MACROD2: variants seen among roughly 807,000 people sequenced by gnomAD.
The protein encoded by MACROD2 is mono-ADP ribosylhydrolase 2.
MACROD2 carries 36 observed loss-of-function variants against 70.4 expected under a neutral mutation model. The ratio of observed to expected loss-of-function variants is 0.51; its 90% CI spans 0.39 to 0.68. The LOEUF is 0.68. Ranked by LOEUF, MACROD2 falls within the 30% of genes least tolerant of loss-of-function variation. MACROD2 has a pLI of 0.00. For missense variants in MACROD2, 496 were observed against 538.4 expected (o/e 0.92, Z 0.78); for synonymous variants, 172 against 178.8 (o/e 0.96, Z 0.30).
At chr20:14,325,563 G>C in intron 3 of MACROD2, 1 of 1,609,084 alleles carries the variant, frequency 6.2e-7, no homozygotes, top group Non-Finnish European at 8.5e-7. Flanking sequence ...AGCATCATGA[G>C]TGTGAGTGAT....
At chr20:14,910,822 C>T (rs989433115) in intron 5 of MACROD2, among the ~76,000 whole-genome samples, 2 of 152,062 alleles carry the variant, frequency 1.3e-5, no homozygotes, top group Non-Finnish European at 2.9e-5. Flanking sequence ...TTTAGAATGC[C>T]TTGTGATGGT....
chr20:15,985,593 T>A (rs1168140239), intron 13 of MACROD2, among the ~76,000 whole-genome samples: 1 of 152,190 alleles, frequency 6.6e-6, no homozygotes, highest in Non-Finnish European at 1.5e-5. Flanking sequence ...TATGCGCTGC[T>A]CTGGCAAGGC....
At chr20:16,046,842 G>A (rs1568734764) in intron 17 of MACROD2, among the ~76,000 whole-genome samples, 1 of 151,654 alleles carries the variant, frequency 6.6e-6, no homozygotes, top group African/African-American at 2.4e-5. Flanking sequence ...CACCACAACT[G>A]GCTAATTTTT....
chr20:15,613,158 G>T (rs943783015), intron 8 of MACROD2, among the ~76,000 whole-genome samples: 1 of 152,208 alleles, frequency 6.6e-6, no homozygotes, highest in African/African-American at 2.4e-5. Context: ...TATTAAAATG[G>T]CAGACACAGT....
intron 5 of MACROD2, among the ~76,000 whole-genome samples, chr20:14,806,791 GT>G (rs2072644437): frequency 6.6e-6 from 1 of 152,092 alleles, no homozygotes; most frequent in African/African-American, 2.4e-5. Flanking sequence ...TGAGTAGGCG[GT>G]TTTCCCCTTC....
intron 8 of MACROD2, among the ~76,000 whole-genome samples, chr20:15,689,459 A>T (rs1380303836): frequency 6.6e-6 from 1 of 152,198 alleles, no homozygotes; most frequent in Admixed American, 6.5e-5. Context: ...GTAATAGAGA[A>T]CAACTGGGGA....
intron 8 of MACROD2, among the ~76,000 whole-genome samples, chr20:15,504,938 A>T (rs959046397): frequency 6.6e-6 from 1 of 152,184 alleles, no homozygotes; most frequent in Non-Finnish European, 1.5e-5. Flanking sequence ...GCAATCTAGA[A>T]ATATAATTCT....
rs374903765 is a variant in MACROD2 at position 15,010,775 on chromosome 20, T to G, written c.419-219165T>G. Among the ~76,000 whole-genome samples, 5 of 152,348 alleles carry G rather than the reference T, an allele frequency of 3.3e-5. No individual in the cohort carries two copies. In the South Asian group the frequency reaches 1.0e-3, roughly 32 times the overall value. On this transcript the variant is annotated intron_variant, in intron 5 of 17. Transcript: ENST00000684519. ...TTAACTTACTGTTGTTTGTTTTGTT[T>G]TGTTTTGAAATGAGCGTCAGTGAAT... is the stretch of plus-strand genomic sequence containing the variant.
At chr20:15,381,222 C>A (rs1221682904) in intron 6 of MACROD2, among the ~76,000 whole-genome samples, 1 of 151,594 alleles carries the variant, frequency 6.6e-6, no homozygotes, top group East Asian at 1.9e-4. Flanking sequence ...TTTTAGAGAG[C>A]TCTTTGTTAA....
intron 3 of MACROD2, among the ~76,000 whole-genome samples, chr20:14,230,651 AT>A (rs1430883461): frequency 6.2e-5 from 2 of 32,356 alleles, no homozygotes; most frequent in African/African-American, 2.9e-4. Flanking sequence ...ATATATATAT[AT>A]ATAACACAGG....
At chr20:15,758,124 T>A (rs1022576451) in intron 8 of MACROD2, among the ~76,000 whole-genome samples, 2 of 151,956 alleles carry the variant, frequency 1.3e-5, no homozygotes, top group African/African-American at 4.9e-5. Context: ...CAAATAATTG[T>A]TGGGTATTTA....
intron 2 of MACROD2, among the ~76,000 whole-genome samples, chr20:14,064,175 C>CTT (rs1601176689): frequency 6.6e-6 from 1 of 152,196 alleles, no homozygotes; most frequent in Non-Finnish European, 1.5e-5. Flanking sequence ...TTCTGTCCCT[C>CTT]TAAGTATTTG....
At chr20:14,697,151 G>A (rs2123624868) in intron 5 of MACROD2, among the ~76,000 whole-genome samples, 1 of 152,270 alleles carries the variant, frequency 6.6e-6, no homozygotes, top group African/African-American at 2.4e-5. Flanking sequence ...CCGTTGGCTG[G>A]CAGAGAAGAG....
intron 12 of MACROD2, among the ~76,000 whole-genome samples, chr20:15,941,566 G>A (rs2065751785): frequency 6.6e-6 from 1 of 152,116 alleles, no homozygotes; most frequent in East Asian, 1.9e-4. Context: ...TATGCGTGGA[G>A]GATTCATTTC....
chr20:15,586,509 AGAT>A (rs2048603735), intron 8 of MACROD2, among the ~76,000 whole-genome samples: 1 of 152,272 alleles, frequency 6.6e-6, no homozygotes, highest in African/African-American at 2.4e-5. Context: ...ATAAAACAAT[AGAT>A]GGATTCTTTC....
intron 3 of MACROD2, among the ~76,000 whole-genome samples, chr20:14,216,397 G>A (rs889259607): frequency 6.6e-6 from 1 of 152,130 alleles, no homozygotes; most frequent in African/African-American, 2.4e-5. Context: ...CACACTGTTT[G>A]GTGACTATGG....
At chr20:15,700,103 G>C (rs910512746) in intron 8 of MACROD2, among the ~76,000 whole-genome samples, 8 of 152,190 alleles carry the variant, frequency 5.3e-5, no homozygotes, top group Admixed American at 5.2e-4. Flanking sequence ...TCAATATTTG[G>C]GGGTCTCTCG....
In MACROD2 at chr20:15,692,924, T is replaced by C. The variant is rs117865272; in HGVS notation, c.646-169821T>C. Among the ~76,000 whole-genome samples, 1,176 of 152,232 alleles carry C rather than the reference T, an allele frequency of 7.7e-3. 7 individuals are homozygous for C. Among genetic ancestry groups the C allele is most frequent in the Non-Finnish European group, 0.012 (799 of 68,010 alleles). On this transcript the variant is annotated intron_variant, in intron 8 of 17. Transcript: ENST00000684519. ...ATGAGAGCAGTTTCCCCCATGCTGT[T>C]CTCATGATGGTGAATGAGTTCTCAT...
At chr20:15,869,208 A>AAC in intron 9 of MACROD2, among the ~76,000 whole-genome samples, 1 of 52,654 alleles carries the variant, frequency 1.9e-5, no homozygotes, top group Non-Finnish European at 4.1e-5. Flanking sequence ...AAATGTGATT[A>AAC]ACATATATAT....
Sources: gnomAD v4.1 joint callset for allele counts (sites outside exome capture counted in the v4.1 genomes callset) on GRCh38, gnomAD v4.1.1 for gene constraint, MANE v1.5 for transcripts, NCBI Gene and HGNC (gene_info 2026-07-23, HGNC 2026-07-21) for gene names.